The following FASTKD2 variants were observed in gnomAD, a reference collection of about 807,000 sequenced individuals.
FASTKD2 encodes FAST kinase domain-containing protein 2, mitochondrial.
In FASTKD2, 51 loss-of-function variants were observed where a neutral mutation model predicts 63.6. The observed-to-expected ratio is 0.80, with a 90% CI of 0.64 to 1.01. FASTKD2 has a LOEUF of 1.01. Among genes scored for constraint, FASTKD2 ranks in the 50% least tolerant of loss-of-function variants. FASTKD2 has a pLI of 0.00. For missense variants in FASTKD2, 786 were observed against 831.1 expected, an observed-to-expected ratio of 0.95 and a Z score of 0.67; for synonymous variants, 284 against 293.4, an observed-to-expected ratio of 0.97 and a Z score of 0.33.
Position 206,771,169 on chromosome 2 carries a change from T to C in FASTKD2, c.882-13T>C, listed in dbSNP as rs1485945800. The C allele has an allele frequency of 2.2e-6, 3 of 1,379,288 alleles. No individual in the cohort carries two copies. The East Asian group carries it at 6.9e-5, about 32-fold the overall frequency. 85.4% of individuals were successfully genotyped at this position (1,379,288 alleles called of 1,614,324 possible). A position where few individuals can be genotyped will look rare whatever the true frequency, so the allele number is the denominator to read the frequency against. The stretch of plus-strand genomic sequence containing the variant: ...GATTCTATGATTTTAATATTTATTG[T>C]GTTTGATAACAGAATACTAGTTGAT... On this transcript the variant is annotated splice_polypyrimidine_tract_variant and intron_variant, in intron 3 of 11. Coordinates refer to ENST00000402774, the MANE Select transcript of FASTKD2 (RefSeq NM_001136193.2).
chr2:206,788,227 G>T, intron 9 of FASTKD2, 72 bp downstream of exon 9: 1 of 1,091,460 alleles, frequency 9.2e-7, no homozygotes, highest in East Asian at 2.6e-5. Context: ...AAAAAAATAG[G>T]TATTTGTGGC....
At chr2:206,783,540 T>C (rs1490753855) in intron 7 of FASTKD2, among the ~76,000 whole-genome samples, 2 of 152,052 alleles carry the variant, frequency 1.3e-5, no homozygotes, top group East Asian at 1.9e-4. Flanking sequence ...TCTAGACAAA[T>C]AATATCAAGC....
At position 206,792,734 on chromosome 2, in the gene FASTKD2, A is replaced by G. The variant is rs1690322240; in HGVS notation, c.*932A>G. Among the ~76,000 whole-genome samples, 1 of 152,160 alleles carries G rather than the reference A, an allele frequency of 6.6e-6. No individual in the cohort carries two copies. Among genetic ancestry groups the G allele is most frequent in the Non-Finnish European group, 1.5e-5 (1 of 68,032 alleles). Reference sequence around the variant, plus strand: ...ACATGCAATTACTAGACATCTTAGTATGTGCCGGGCACTGCTAAGTATTCA... The same window carrying G: ...ACATGCAATTACTAGACATCTTAGTGTGTGCCGGGCACTGCTAAGTATTCA... On this transcript the variant is annotated 3_prime_UTR_variant, in exon 12 of 12. Coordinates refer to ENST00000402774, the MANE Select transcript of FASTKD2 (RefSeq NM_001136193.2).
intron 7 of FASTKD2, among the ~76,000 whole-genome samples, chr2:206,782,430 C>T (rs1384279497): frequency 3.3e-5 from 5 of 152,208 alleles, no homozygotes; most frequent in Non-Finnish European, 5.9e-5. Flanking sequence ...ACTGGACCTT[C>T]TTCTAGTTCA....
At position 206,791,884 on chromosome 2, in the gene FASTKD2, G is replaced by A; in HGVS notation, c.*82G>A. 1 of 1,319,668 alleles carries A rather than the reference G, an allele frequency of 7.6e-7. No homozygotes were observed. Among genetic ancestry groups the A allele is most frequent in the Non-Finnish European group, 1.1e-6 (1 of 934,274 alleles). The allele number at this position is 1,319,668 out of a possible 1,614,324, so 81.7% of individuals were successfully genotyped here. ...TGACAAGTCAGTTGTCAATGGAATT[G>A]AGCTATCTGCTAAGACAAAAAATGT... On this transcript the variant is annotated 3_prime_UTR_variant, in exon 12 of 12. Coordinates refer to ENST00000402774, the MANE Select transcript of FASTKD2 (RefSeq NM_001136193.2).
At chr2:206,769,974 T>C in intron 2 of FASTKD2, 117 bp from the exon 3 acceptor site, 1 of 728,774 alleles carries the variant, frequency 1.4e-6, no homozygotes, top group South Asian at 1.5e-5. Context: ...ACTGTAGGAA[T>C]TGTTGGTTTG....
intron 2 of FASTKD2, among the ~76,000 whole-genome samples, chr2:206,768,892 T>G (rs968218916): frequency 1.3e-5 from 2 of 152,214 alleles, no homozygotes; most frequent in African/African-American, 4.8e-5. Context: ...TGTATTTGTT[T>G]AAACCACAGA....
At chr2:206,772,084 T>G in intron 5 of FASTKD2, 67 bp downstream of exon 5, 2 of 1,599,256 alleles carry the variant, frequency 1.3e-6, no homozygotes, top group African/African-American at 2.7e-5. Flanking sequence ...TTTTGTTTTG[T>G]TTTAAAAACT....
chr2:206,774,170 A>C lies in FASTKD2; in HGVS notation c.1255-55A>C, dbSNP rs73985719. ...TAGATTTTTTGAGATCTAAAAAATT[A>C]CTATTAGCATACTGTAATTATTATA... On this transcript the variant is annotated intron_variant, in intron 6 of 11. Transcript: ENST00000402774. 109,198 of 1,249,416 alleles carry C rather than the reference A, an allele frequency of 0.087. 6,214 individuals are homozygous for C. Among genetic ancestry groups the C allele is most frequent in the African/African-American group, 0.26 (17,857 of 67,532 alleles). 77.4% of individuals were successfully genotyped at this position (1,249,416 alleles called of 1,614,324 possible). A position where few individuals can be genotyped will look rare whatever the true frequency, so the allele number is the denominator to read the frequency against.
intron 7 of FASTKD2, among the ~76,000 whole-genome samples, chr2:206,785,679 C>G (rs1664175007): frequency 6.6e-6 from 1 of 152,186 alleles, no homozygotes; most frequent in South Asian, 2.1e-4. Flanking sequence ...GCAGTCAGTA[C>G]TAATTTCAGA....
intron 7 of FASTKD2, among the ~76,000 whole-genome samples, chr2:206,780,048 T>C (rs1335863698): frequency 3.3e-5 from 5 of 152,244 alleles, no homozygotes; most frequent in African/African-American, 9.6e-5. Flanking sequence ...GTTATTGATG[T>C]GACAGTTTAC....
chr2:206,772,101 T>C, intron 5 of FASTKD2, 80 bp from the exon 6 acceptor site: 2 of 1,597,454 alleles, frequency 1.3e-6, no homozygotes, highest in Non-Finnish European at 1.7e-6. Context: ...AACTTTGCTT[T>C]TATATGAAAA....
At chr2:206,780,145 G>A (rs1689932884) in intron 7 of FASTKD2, among the ~76,000 whole-genome samples, 2 of 152,172 alleles carry the variant, frequency 1.3e-5, no homozygotes, top group South Asian at 4.2e-4. Context: ...TAGAACTAAA[G>A]CACACCACTA....
At chr2:206,766,259 C>CAAAA (rs60933510) in intron 1 of FASTKD2, among the ~76,000 whole-genome samples, 20 of 55,960 alleles carry the variant, frequency 3.6e-4, no homozygotes, top group African/African-American at 1.2e-3. Flanking sequence ...GACTTTGTCT[C>CAAAA]AAAAAAAAAA....
Position 206,774,249 on chromosome 2 carries a change from G to C in FASTKD2, c.1279G>C (p.Glu427Gln), listed in dbSNP as rs200972487. 1.9e-5 allele frequency: 30 copies of C among 1,610,712 alleles called. No homozygotes were observed. Among genetic ancestry groups the C allele is most frequent in the Admixed American group, 1.8e-4 (11 of 59,834 alleles). Residue 427 changes from glutamate (E) to glutamine (Q), a missense_variant, in exon 7 of 12, where the codon GAA becomes CAA. Coordinates refer to ENST00000402774, the MANE Select transcript of FASTKD2 (RefSeq NM_001136193.2). ...GGTTCTTTTTATCCTCATTTTATTT[G>C]AAAACCTTGGCTTTCGACCTGTTGG... ...RKVLFILILF[E>Q]NLGFRPVGLM...
intron 7 of FASTKD2, among the ~76,000 whole-genome samples, chr2:206,781,304 ATTTTTT>A (rs71034473): frequency 7.9e-5 from 6 of 75,926 alleles, no homozygotes; most frequent in East Asian, 4.1e-4. Flanking sequence ...TTTTTCTATG[ATTTTTT>A]TTTTTTTTTT....
intron 6 of FASTKD2, among the ~76,000 whole-genome samples, chr2:206,772,611 T>C (rs879343293): frequency 8.5e-5 from 13 of 152,196 alleles, no homozygotes; most frequent in Admixed American, 8.5e-4. Flanking sequence ...ATTTTGTTGT[T>C]TTGCTGGGTT....
chr2:206,787,625 T>G (rs933436713), intron 8 of FASTKD2, among the ~76,000 whole-genome samples: 1 of 152,146 alleles, frequency 6.6e-6, no homozygotes, highest in African/African-American at 2.4e-5. Context: ...AGTTCCAACT[T>G]TGCCTTAATT....
chr2:206,784,954 T>A (rs1229661600), intron 7 of FASTKD2, among the ~76,000 whole-genome samples: 1 of 152,212 alleles, frequency 6.6e-6, no homozygotes, highest in South Asian at 2.1e-4. Flanking sequence ...TAGTCTGTTT[T>A]CACGCAGCTG....
Sources: gnomAD v4.1 joint callset for allele counts (sites outside exome capture counted in the v4.1 genomes callset) on GRCh38, gnomAD v4.1.1 for gene constraint, MANE v1.5 for transcripts, NCBI Gene and HGNC (gene_info 2026-07-23, HGNC 2026-07-21) for gene names.